Variants in TMEM163 observed in about 807,000 individuals in gnomAD.
TMEM163 encodes transmembrane protein 163.
A neutral mutation model predicts 29.3 loss-of-function variants in TMEM163; 17 were observed. The ratio of observed to expected loss-of-function variants is 0.58; its 90% CI spans 0.40 to 0.87. TMEM163 has a LOEUF of 0.87. TMEM163 is among the 40% of genes least tolerant of loss of function. The probability of loss-of-function intolerance (pLI) is 0.00; values close to 1 mark genes in which losing one functional copy is unlikely to be tolerated. For missense variants in TMEM163, 303 were observed against 381.5 expected, an observed-to-expected ratio of 0.79 and a Z score of 1.71; for synonymous variants, 157 against 160.6, an observed-to-expected ratio of 0.98 and a Z score of 0.17.
chr2:134,510,621 C>A (rs1038765371), intron 4 of TMEM163, among the ~76,000 whole-genome samples: 7 of 151,950 alleles, frequency 4.6e-5, no homozygotes, highest in African/African-American at 1.7e-4. Flanking sequence ...TGGACACAGG[C>A]AGAGGAGGAG....
chr2:134,647,877 C>T (rs766959933), intron 2 of TMEM163, among the ~76,000 whole-genome samples: 25 of 152,194 alleles, frequency 1.6e-4, no homozygotes, highest in Non-Finnish European at 3.1e-4. Context: ...CTGGCAGGAG[C>T]AAAACTCTGT....
rs543493957 is a variant in TMEM163, at chr2:134,495,330, C to T, written c.555+7571G>A. Among the ~76,000 whole-genome samples, 11 of 152,242 alleles carry T rather than the reference C, an allele frequency of 7.2e-5. No homozygotes were observed. In the East Asian group the frequency reaches 1.7e-3, roughly 24 times the overall value. ...CCAGCCTGGGTGGAGGGGAGCGGCC[C>T]TGAGTGGGAGGGAAGGATGAGTGAG... On this transcript the variant is annotated intron_variant, in intron 5 of 7. Transcript: ENST00000281924.
At chr2:134,684,343 G>C (rs1436044848) in intron 2 of TMEM163, among the ~76,000 whole-genome samples, 1 of 152,024 alleles carries the variant, frequency 6.6e-6, no homozygotes, top group Non-Finnish European at 1.5e-5. Flanking sequence ...CCACCTACAG[G>C]CAAAATGAGC....
At chr2:134,576,171 A>G (rs1681550453) in intron 2 of TMEM163, among the ~76,000 whole-genome samples, 1 of 152,186 alleles carries the variant, frequency 6.6e-6, no homozygotes, top group African/African-American at 2.4e-5. Context: ...CAGGGGATAC[A>G]GAGGAAGAAT....
chr2:134,647,564 T>C (rs1353287815), intron 2 of TMEM163, among the ~76,000 whole-genome samples: 3 of 152,132 alleles, frequency 2.0e-5, no homozygotes, highest in Non-Finnish European at 4.4e-5. Flanking sequence ...GGTTATAGAC[T>C]AGGTCAAAAC....
chr2:134,673,731 A>C lies in TMEM163; in HGVS notation c.322+39469T>G, dbSNP rs562676224. On this transcript the variant is annotated intron_variant, in intron 2 of 7. Transcript: ENST00000281924. Reference sequence around the variant, plus strand: ...AGAGAGCCCACGAGCTGAGGAATGCAGGCAGCCTCTAGAAACTGGAAAGGC... The same window carrying C: ...AGAGAGCCCACGAGCTGAGGAATGCCGGCAGCCTCTAGAAACTGGAAAGGC... 7.9e-5 allele frequency among the ~76,000 whole-genome samples: 12 copies of C among 152,320 alleles called. 1 individual carries two copies. Among genetic ancestry groups the C allele is most frequent in the South Asian group, 4.1e-4 (2 of 4,822 alleles).
chr2:134,689,054 A>T (rs1396953258), intron 2 of TMEM163, among the ~76,000 whole-genome samples: 1 of 152,028 alleles, frequency 6.6e-6, no homozygotes, highest in African/African-American at 2.4e-5. Context: ...CAGCAAAATT[A>T]ATTTTATGTT....
rs79819887 is a variant in TMEM163, at chr2:134,460,075, A to AAC, written c.668-1903_668-1902insGT. On this transcript the variant is annotated intron_variant, in intron 6 of 7. Transcript: ENST00000281924. The surrounding 1 kb of genome is among the most constrained non-coding windows in gnomAD (Gnocchi z 4.3). ...CCCCTCGAGCCCCTTGCCAGATGTT[A>AAC]CCCCCCCCCAAATTCATTCTCACTC... 8.3e-6 allele frequency among the ~76,000 whole-genome samples: 1 copy of AAC among 120,004 alleles called. No individual in the cohort carries two copies. The highest frequency in any genetic ancestry group is 8.3e-5 in the Admixed American group (1 of 12,074). 78.7% of individuals were successfully genotyped at this position (120,004 alleles called of 152,430 possible). A position where few individuals can be genotyped will look rare whatever the true frequency, so the allele number is the denominator to read the frequency against.
At chr2:134,476,976 G>T (rs1476710630) in intron 5 of TMEM163, among the ~76,000 whole-genome samples, 4 of 152,126 alleles carry the variant, frequency 2.6e-5, no homozygotes, top group African/African-American at 9.7e-5. Context: ...CAACTTCTCT[G>T]GAAAACCTTG....
chr2:134,691,355 C>G (rs1030941475), intron 2 of TMEM163, among the ~76,000 whole-genome samples: 1 of 152,160 alleles, frequency 6.6e-6, no homozygotes, highest in Admixed American at 6.5e-5. Context: ...AGCGTAGGCA[C>G]CAAACATCAA....
intron 5 of TMEM163, among the ~76,000 whole-genome samples, chr2:134,500,578 C>G (rs1364059793): frequency 6.6e-6 from 1 of 151,712 alleles, no homozygotes; most frequent in Non-Finnish European, 1.5e-5. Flanking sequence ...AAATCCCACA[C>G]CAACAATGGA....
intron 2 of TMEM163, among the ~76,000 whole-genome samples, chr2:134,665,052 T>G (rs1397844284): frequency 6.6e-6 from 1 of 152,108 alleles, no homozygotes; most frequent in African/African-American, 2.4e-5. Flanking sequence ...ATTGGTGTTT[T>G]AAGCCACTAA....
chr2:134,513,624 C>T (rs1679995472), intron 4 of TMEM163, among the ~76,000 whole-genome samples: 2 of 152,180 alleles, frequency 1.3e-5, no homozygotes, highest in Admixed American at 6.5e-5. Context: ...CTGCATTTTC[C>T]AGCACTGACT....
intron 2 of TMEM163, among the ~76,000 whole-genome samples, chr2:134,649,038 G>A (rs571001755): frequency 6.6e-6 from 1 of 152,236 alleles, no homozygotes; most frequent in Admixed American, 6.5e-5. Flanking sequence ...GAACACTGGA[G>A]ACATAATTCT....
chr2:134,507,744 C>T (rs936444584), intron 4 of TMEM163, among the ~76,000 whole-genome samples: 2 of 152,084 alleles, frequency 1.3e-5, no homozygotes. Flanking sequence ...GTAGTCCCAG[C>T]TATTCAGGAG....
intron 2 of TMEM163, among the ~76,000 whole-genome samples, chr2:134,637,397 G>A (rs575971243): frequency 2.6e-5 from 4 of 152,322 alleles, no homozygotes; most frequent in Non-Finnish European, 4.4e-5. Context: ...ATCCAGGGCT[G>A]GTTCCCGCCT....
chr2:134,612,645 G>C (rs930139748), intron 2 of TMEM163, among the ~76,000 whole-genome samples: 4 of 151,740 alleles, frequency 2.6e-5, no homozygotes, highest in African/African-American at 9.7e-5. Context: ...CTAATCACTA[G>C]TGGACGACTA....
At chr2:134,629,143 A>G (rs1237739053) in intron 2 of TMEM163, among the ~76,000 whole-genome samples, 1 of 152,186 alleles carries the variant, frequency 6.6e-6, no homozygotes, top group African/African-American at 2.4e-5. Context: ...AAATACTATT[A>G]TCACCACTAT....
intron 2 of TMEM163, among the ~76,000 whole-genome samples, chr2:134,568,313 T>C (rs1253219697): frequency 6.6e-6 from 1 of 152,122 alleles, no homozygotes; most frequent in Non-Finnish European, 1.5e-5. Flanking sequence ...TCACTTGAGG[T>C]CAGGAGTTTG....
Sources: allele counts gnomAD v4.1 joint callset (sites outside exome capture counted in the v4.1 genomes callset), GRCh38; gene constraint gnomAD v4.1.1; non-coding constraint Gnocchi (gnomAD v3.1); transcripts MANE v1.5; gene names NCBI Gene and HGNC (gene_info 2026-07-23, HGNC 2026-07-21).